Variants in CPEB3 observed in about 807,000 individuals in gnomAD.
CPEB3 encodes cytoplasmic polyadenylation element-binding protein 3.
In CPEB3, 20 loss-of-function variants were observed where a neutral mutation model predicts 67.2. That is an observed-to-expected ratio of 0.30 (90% CI 0.21 to 0.43). The LOEUF is 0.43. Among genes scored for constraint, CPEB3 ranks in the 20% least tolerant of loss-of-function variants. CPEB3 has a pLI of 1.00. For synonymous variants in CPEB3, 376 were observed against 393.1 expected, an observed-to-expected ratio of 0.96 and a Z score of 0.51; for missense variants, 746 against 968.6, an observed-to-expected ratio of 0.77 and a Z score of 3.05.
intron 4 of CPEB3, among the ~76,000 whole-genome samples, chr10:92,155,720 T>C (rs1847176178): frequency 6.6e-6 from 1 of 152,132 alleles, no homozygotes; most frequent in Admixed American, 6.5e-5. Context: ...TTTACACCTA[T>C]CAAACTGCAG....
At chr10:92,193,605 C>T (rs1849086514) in intron 2 of CPEB3, among the ~76,000 whole-genome samples, 1 of 151,912 alleles carries the variant, frequency 6.6e-6, no homozygotes, top group African/African-American at 2.4e-5. Flanking sequence ...CACTTGCCAC[C>T]ATGCCCAGCT....
chr10:92,279,599 A>G (rs1477919516), intron 1 of CPEB3, among the ~76,000 whole-genome samples: 1 of 152,224 alleles, frequency 6.6e-6, no homozygotes, highest in African/African-American at 2.4e-5. Flanking sequence ...TAATTTCTGT[A>G]AAGGCTTGAG....
rs370091703 is a variant in CPEB3, at chr10:92,253,463, C to CAAA, written c.-11-13105_-11-13103dup. 6.5e-4 allele frequency among the ~76,000 whole-genome samples: 50 copies of CAAA among 76,830 alleles called. 2 individuals carry two copies. Among genetic ancestry groups the CAAA allele is most frequent in the South Asian group, 1.2e-3 (2 of 1,714 alleles). 50.4% of individuals were successfully genotyped at this position (76,830 alleles called of 152,430 possible). A position where few individuals can be genotyped will look rare whatever the true frequency, so the allele number is the denominator to read the frequency against. On this transcript the variant is annotated intron_variant, in intron 1 of 9. Coordinates refer to ENST00000265997, the MANE Select transcript of CPEB3 (RefSeq NM_014912.5). The stretch of plus-strand genomic sequence containing the variant: ...AACAGAGCAAGACTCTGTCTCAAAA[C>CAAA]AAAAAAAAAAAAAAAAAAAAAGAAA...
intron 4 of CPEB3, among the ~76,000 whole-genome samples, chr10:92,178,606 C>T (rs1201160692): frequency 6.6e-6 from 1 of 151,854 alleles, no homozygotes; most frequent in Non-Finnish European, 1.5e-5. Flanking sequence ...TTTGGGAAGT[C>T]GAGGTGGGAG....
chr10:92,166,128 A>G (rs1847729966), intron 4 of CPEB3, among the ~76,000 whole-genome samples: 1 of 146,410 alleles, frequency 6.8e-6, no homozygotes, highest in Admixed American at 6.8e-5. Context: ...TTTTTTTTTG[A>G]GACAGAGTTT....
intron 1 of CPEB3, among the ~76,000 whole-genome samples, chr10:92,267,532 A>G (rs1298311354): frequency 6.6e-6 from 1 of 152,166 alleles, no homozygotes; most frequent in Non-Finnish European, 1.5e-5. Flanking sequence ...TCCCCTGGAG[A>G]GTTGTAAGCA....
At chr10:92,082,263 C>A (rs1261039127) in intron 8 of CPEB3, among the ~76,000 whole-genome samples, 3 of 137,070 alleles carry the variant, frequency 2.2e-5, no homozygotes, top group African/African-American at 9.5e-5. Flanking sequence ...TCTAAATATG[C>A]CTTTGTTTGT....
intron 7 of CPEB3, among the ~76,000 whole-genome samples, chr10:92,107,573 T>C (rs1457718524): frequency 6.6e-6 from 1 of 152,154 alleles, no homozygotes; most frequent in Non-Finnish European, 1.5e-5. Context: ...TCTATTAATA[T>C]AGTCAAAAAA....
chr10:92,052,038 G>A lies in CPEB3; in HGVS notation c.*174C>T, dbSNP rs1423003582. On this transcript the variant is annotated 3_prime_UTR_variant, in exon 10 of 10. Coordinates refer to ENST00000265997, the MANE Select transcript of CPEB3 (RefSeq NM_014912.5). ...GCAATTCTGCATTATACTGGACACTGAGTTCAGTAATATGACTGTAAATAA... is the reference window on the plus strand; with the variant it reads ...GCAATTCTGCATTATACTGGACACTAAGTTCAGTAATATGACTGTAAATAA... The A allele has an allele frequency of 6.9e-6, 4 of 577,566 alleles. No individual in the cohort carries two copies. The highest frequency in any genetic ancestry group is 3.0e-5 in the Admixed American group (1 of 33,310). 35.8% of individuals were successfully genotyped at this position (577,566 alleles called of 1,614,324 possible).
At chr10:92,088,225 A>ATT (rs374452327) in intron 8 of CPEB3, among the ~76,000 whole-genome samples, 8,856 of 126,270 alleles carry the variant, frequency 0.07, 1,151 homozygotes, top group African/African-American at 0.25. Context: ...TTCCAACCTA[A>ATT]TTTTTTTTTT....
chr10:92,183,195 T>G (rs891011282), intron 3 of CPEB3, among the ~76,000 whole-genome samples: 2 of 152,198 alleles, frequency 1.3e-5, no homozygotes, highest in Non-Finnish European at 2.9e-5. Context: ...CCATCTATTT[T>G]TTATAGATTT....
At chr10:92,088,380 T>A (rs1843468154) in intron 8 of CPEB3, among the ~76,000 whole-genome samples, 2 of 151,910 alleles carry the variant, frequency 1.3e-5, no homozygotes, top group Non-Finnish European at 2.9e-5. Context: ...GAGTGTGCCA[T>A]CATGCCTGGC....
At chr10:92,143,140 T>G in intron 5 of CPEB3, 22 bp from the exon 6 acceptor site, 3 of 1,581,614 alleles carry the variant, frequency 1.9e-6, no homozygotes, top group Non-Finnish European at 2.6e-6. Flanking sequence ...AGAAAGAATC[T>G]TAGCAAAAGA....
chr10:92,164,513 T>C (rs1376724666), intron 4 of CPEB3, among the ~76,000 whole-genome samples: 1 of 152,230 alleles, frequency 6.6e-6, no homozygotes, highest in African/African-American at 2.4e-5. Context: ...CTTCTCGCCA[T>C]AGTTTTGTTT....
chr10:92,268,638 AACTC>A (rs1294847694), intron 1 of CPEB3, among the ~76,000 whole-genome samples: 3 of 152,226 alleles, frequency 2.0e-5, no homozygotes, highest in Non-Finnish European at 4.4e-5. Flanking sequence ...ACACAACTTG[AACTC>A]ACTTTCTTCT....
rs1852132112 is a variant in CPEB3 at position 92,046,892 on chromosome 10, A to G, written c.*5320T>C. On this transcript the variant is annotated 3_prime_UTR_variant, in exon 10 of 10. Transcript: ENST00000265997. ...TACTAGCAAAAAACAATCTAAGAGA[A>G]CAGGTAATAAAAGATACAATACATT... The G allele has an allele frequency of 6.6e-6, 1 of 152,260 alleles. No homozygotes were observed. Among genetic ancestry groups the G allele is most frequent in the African/African-American group, 2.4e-5 (1 of 41,476 alleles). The allele number at this position is 152,260 out of a possible 1,614,324, so 9.4% of individuals were successfully genotyped here.
At chr10:92,200,712 A>C (rs1402401460) in intron 2 of CPEB3, among the ~76,000 whole-genome samples, 1 of 151,014 alleles carries the variant, frequency 6.6e-6, no homozygotes, top group Non-Finnish European at 1.5e-5. Flanking sequence ...GGAGAAGTTA[A>C]AAAAAAAACC....
intron 6 of CPEB3, among the ~76,000 whole-genome samples, chr10:92,141,413 T>C (rs1361855516): frequency 1.4e-5 from 2 of 146,702 alleles, no homozygotes; most frequent in African/African-American, 5.1e-5. Flanking sequence ...TTCTCACTCA[T>C]AGGTGGGAAT....
chr10:92,275,263 G>A (rs776205664), intron 1 of CPEB3, among the ~76,000 whole-genome samples: 11 of 152,150 alleles, frequency 7.2e-5, no homozygotes, highest in Non-Finnish European at 1.3e-4. Flanking sequence ...CCCATCAGAC[G>A]CCTGTAACAT....
Sources: allele counts gnomAD v4.1 joint callset (sites outside exome capture counted in the v4.1 genomes callset), GRCh38; gene constraint gnomAD v4.1.1; transcripts MANE v1.5; gene names NCBI Gene and HGNC (gene_info 2026-07-23, HGNC 2026-07-21).